Variants in RBM28 observed in about 807,000 individuals in gnomAD.
RBM28 encodes RNA binding motif protein 28, also known as RNA-binding protein 28.
A neutral mutation model predicts 98.3 loss-of-function variants in RBM28; 78 were observed. The ratio of observed to expected loss-of-function variants is 0.79; its 90% CI spans 0.66 to 0.96. RBM28 has a LOEUF of 0.96. Ranked by LOEUF, RBM28 falls within the 40% of genes least tolerant of loss-of-function variation. RBM28 has a pLI of 0.00. For missense variants in RBM28, 838 were observed against 913.0 expected (o/e 0.92, Z 1.06); for synonymous variants, 306 against 330.9 (o/e 0.92, Z 0.82).
intron 8 of RBM28, among the ~76,000 whole-genome samples, chr7:128,333,807 A>G (rs1469201477): frequency 6.6e-6 from 1 of 152,230 alleles, no homozygotes; most frequent in Non-Finnish European, 1.5e-5. Context: ...ATTAAAGAAA[A>G]CATAGCACAA....
chr7:128,320,416 A>AAAAG (rs565987813), intron 14 of RBM28, among the ~76,000 whole-genome samples: 2 of 148,204 alleles, frequency 1.3e-5, no homozygotes, highest in Non-Finnish European at 3.0e-5. Flanking sequence ...TAAAAAAAAA[A>AAAAG]AAAGAAAGGA....
intron 14 of RBM28, among the ~76,000 whole-genome samples, chr7:128,319,425 A>G (rs1353954779): frequency 2.0e-5 from 3 of 152,242 alleles, no homozygotes; most frequent in Non-Finnish European, 2.9e-5. Context: ...GAGAAATTAC[A>G]CAACTGTCCC....
intron 9 of RBM28, among the ~76,000 whole-genome samples, chr7:128,331,384 A>T (rs985539810): frequency 6.7e-6 from 1 of 150,184 alleles, no homozygotes; most frequent in African/African-American, 2.4e-5. Context: ...AGCCTCCATC[A>T]CCTAGGGCCC....
chr7:128,317,519 C>T (rs1796129913), intron 16 of RBM28, 140 bp downstream of exon 16: 2 of 680,424 alleles, frequency 2.9e-6, no homozygotes, highest in South Asian at 3.3e-5. Flanking sequence ...CCTGGAGAGG[C>T]TTAGGGAACT....
rs1324818220 is a variant in RBM28, at chr7:128,302,247, A to T, written c.*8550T>A. 1 of 152,278 alleles carries T rather than the reference A, an allele frequency of 6.6e-6. No homozygotes were observed. Among genetic ancestry groups the T allele is most frequent in the Non-Finnish European group, 1.5e-5 (1 of 68,086 alleles). 9.4% of individuals were successfully genotyped at this position (152,278 alleles called of 1,614,324 possible). A position where few individuals can be genotyped will look rare whatever the true frequency, so the allele number is the denominator to read the frequency against. ...TGTCCCCTTCCCTGGGACTCACTCC[A>T]GTGGCTGGTCGCCAGTTGCACCCAC... On this transcript the variant is annotated 3_prime_UTR_variant, in exon 19 of 19. Transcript: ENST00000223073.
At chr7:128,323,689 G>A in intron 12 of RBM28, 98 bp from the exon 13 acceptor site, 23 of 1,394,064 alleles carry the variant, frequency 1.6e-5, no homozygotes, top group Non-Finnish European at 2.3e-5. Flanking sequence ...TTTGTACAGG[G>A]CCCAGAGGAC....
chr7:128,327,165 T>C (rs1444133125), intron 10 of RBM28, among the ~76,000 whole-genome samples: 1 of 151,838 alleles, frequency 6.6e-6, no homozygotes, highest in Non-Finnish European at 1.5e-5. Flanking sequence ...AAAAGAAATA[T>C]CCACATGAAA....
intron 1 of RBM28, among the ~76,000 whole-genome samples, 192 bp from the exon 2 acceptor site, chr7:128,339,983 C>T (rs1237227326): frequency 6.6e-6 from 1 of 152,208 alleles, no homozygotes; most frequent in Non-Finnish European, 1.5e-5. Flanking sequence ...TCCCTCCCCA[C>T]TTTGCTTAGA....
Position 128,333,346 on chromosome 7 carries a change from G to A in RBM28, c.963C>T (p.Asn321=). The change falls in exon 9 of 19, where the codon AAC becomes AAT. Residue 321 remains asparagine (N), a synonymous_variant. Transcript: ENST00000223073. ...EQEDKAVQVS[N]KKKRKLPSDV... is the part of the protein sequence containing the mutation. Reference sequence around the variant, plus strand: ...CAGAGGGTAATTTCCTCTTCTTTTTGTTTGAGACTTGCACAGCTAAGGTAA... The same window carrying A: ...CAGAGGGTAATTTCCTCTTCTTTTTATTTGAGACTTGCACAGCTAAGGTAA... 1.9e-6 allele frequency: 3 copies of A among 1,601,530 alleles called. No homozygotes were observed. The highest frequency in any genetic ancestry group is 2.6e-6 in the Non-Finnish European group (3 of 1,168,554).
At chr7:128,330,241 A>G (rs1796448987) in intron 10 of RBM28, among the ~76,000 whole-genome samples, 2 of 152,188 alleles carry the variant, frequency 1.3e-5, no homozygotes, top group Non-Finnish European at 2.9e-5. Context: ...TGAAATGCAA[A>G]GAGCAAAAAT....
Position 128,321,190 on chromosome 7 carries a change from C to T in RBM28, c.1563+76G>A. The T allele has an allele frequency of 1.9e-6, 3 of 1,587,860 alleles. No individual in the cohort carries two copies. In the South Asian group the frequency reaches 3.3e-5, roughly 18 times the overall value. ...CAAAACAAACAAACAAAATCTGGCACCACAGCCTGAGGGAAATGCTTGATC... is the reference window on the plus strand; with the variant it reads ...CAAAACAAACAAACAAAATCTGGCATCACAGCCTGAGGGAAATGCTTGATC... On this transcript the variant is annotated intron_variant, in intron 14 of 18. Coordinates refer to ENST00000223073, the MANE Select transcript of RBM28 (RefSeq NM_018077.3).
chr7:128,323,704 T>C (rs1796286513), intron 12 of RBM28, 113 bp from the exon 13 acceptor site: 2 of 1,251,970 alleles, frequency 1.6e-6, no homozygotes, highest in Non-Finnish European at 2.3e-6. Flanking sequence ...GAGGACTATC[T>C]TGGCCAGGAC....
intron 10 of RBM28, 148 bp downstream of exon 10, chr7:128,330,671 G>A (rs58238563): frequency 0.26 from 182,099 of 700,698 alleles, 24,938 homozygotes; most frequent in Middle Eastern, 0.33. Context: ...CGTGCCCGGC[G>A]TCCCTGGTAC....
At chr7:128,313,328 CT>C (rs1584633868) in intron 17 of RBM28, 54 bp from the exon 18 acceptor site, 1 of 1,530,350 alleles carries the variant, frequency 6.5e-7, no homozygotes. Context: ...TTTGACACCC[CT>C]AGGTTCTCTT....
At position 128,310,843 on chromosome 7, in the gene RBM28, G is replaced by A; in HGVS notation, c.2234C>T (p.Ser745Phe). ...EQYKQKLLGPSKGAPLAKRSK... is the reference protein window; with the variant it reads ...EQYKQKLLGPFKGAPLAKRSK... ...CCTCTTTGCAAGAGGTGCTCCTTTA[G>A]AAGGTCCCAATAATTTCTGCTTATA... Residue 745 changes from serine (S) to phenylalanine (F), a missense_variant, in exon 19 of 19, where the codon TCT (serine) becomes TTT (phenylalanine). Physicochemically the swap from Ser to Phe is radical, Grantham distance 155. Coordinates refer to ENST00000223073, the MANE Select transcript of RBM28 (RefSeq NM_018077.3). 6.2e-7 allele frequency: 1 copy of A among 1,614,148 alleles called. No homozygotes were observed. Among genetic ancestry groups the A allele is most frequent in the African/African-American group, 1.3e-5 (1 of 75,044 alleles).
At chr7:128,313,356 C>T in intron 17 of RBM28, 82 bp from the exon 18 acceptor site, 1 of 1,321,236 alleles carries the variant, frequency 7.6e-7, no homozygotes. Flanking sequence ...CTGGCCCTTC[C>T]CAAGCCCATG....
chr7:128,343,077 T>A (rs1050747195), intron 1 of RBM28, among the ~76,000 whole-genome samples: 2 of 152,204 alleles, frequency 1.3e-5, no homozygotes, highest in South Asian at 2.1e-4. Flanking sequence ...CTTGAAGACA[T>A]AAAATCAAAG....
chr7:128,328,608 T>C (rs571356156), intron 10 of RBM28, among the ~76,000 whole-genome samples: 32 of 152,350 alleles, frequency 2.1e-4, no homozygotes, highest in Middle Eastern at 3.4e-3. Context: ...CAGTCAATTG[T>C]AGGCTTCATT....
chr7:128,339,404 C>A lies in RBM28; in HGVS notation c.278-83G>T, dbSNP rs546027160. The A allele has an allele frequency of 3.2e-6, 4 of 1,255,306 alleles. No individual in the cohort carries two copies. In the South Asian group the frequency reaches 5.1e-5, roughly 16 times the overall value. 77.8% of individuals were successfully genotyped at this position (1,255,306 alleles called of 1,614,324 possible). A position where few individuals can be genotyped will look rare whatever the true frequency, so the allele number is the denominator to read the frequency against. Reference sequence around the variant, plus strand: ...ACATCACAGAAAAAAAAGCTACTGGCGACAGATGGCATTTACCACAGGGTT... The same window carrying A: ...ACATCACAGAAAAAAAAGCTACTGGAGACAGATGGCATTTACCACAGGGTT... On this transcript the variant is annotated intron_variant, in intron 2 of 18. Coordinates refer to ENST00000223073, the MANE Select transcript of RBM28 (RefSeq NM_018077.3).
Sources: gnomAD v4.1 joint callset for allele counts (sites outside exome capture counted in the v4.1 genomes callset) on GRCh38, gnomAD v4.1.1 for gene constraint, MANE v1.5 for transcripts, NCBI Gene and HGNC (gene_info 2026-07-23, HGNC 2026-07-21) for gene names.